Variants in CSNK2A1 observed in about 807,000 individuals in gnomAD.
CSNK2A1 encodes casein kinase II subunit alpha.
In CSNK2A1, 10 loss-of-function variants were observed where a neutral mutation model predicts 62.9. The ratio of observed to expected loss-of-function variants is 0.16; its 90% CI spans 0.10 to 0.27. CSNK2A1 has a LOEUF of 0.27. Ranked by LOEUF, CSNK2A1 falls within the 10% of genes least tolerant of loss-of-function variation. The pLI is 1.00. For synonymous variants in CSNK2A1, 124 were observed against 167.8 expected, an observed-to-expected ratio of 0.74 and a Z score of 2.02; for missense variants, 160 against 492.0, an observed-to-expected ratio of 0.33 and a Z score of 6.38.
chr20:498,481 C>T (rs2122540354), intron 6 of CSNK2A1: 1 of 152,216 alleles, frequency 6.6e-6, no homozygotes, highest in African/African-American at 2.4e-5. Flanking sequence ...GCTAGGACTA[C>T]AGGCGAAAGC....
chr20:535,771 C>A (rs987885698), intron 1 of CSNK2A1, among the ~76,000 whole-genome samples: 3 of 151,440 alleles, frequency 2.0e-5, no homozygotes, highest in Non-Finnish European at 4.4e-5. Flanking sequence ...TTTAAAGTGC[C>A]GATAAATACA....
intron 6 of CSNK2A1, 53 bp from the exon 7 acceptor site, chr20:497,833 T>C (rs576974823): frequency 4.0e-5 from 62 of 1,531,548 alleles, no homozygotes; most frequent in Admixed American, 1.4e-4. Flanking sequence ...AAAGGCATTT[T>C]TCACCCTCAC....
At chr20:523,624 G>C (rs762986222) in intron 2 of CSNK2A1, among the ~76,000 whole-genome samples, 3 of 152,264 alleles carry the variant, frequency 2.0e-5, no homozygotes, top group African/African-American at 4.8e-5. Flanking sequence ...GGGCACGGTG[G>C]CTCACGCCTG....
At chr20:523,820 A>C (rs1317507984) in intron 2 of CSNK2A1, among the ~76,000 whole-genome samples, 5 of 143,522 alleles carry the variant, frequency 3.5e-5, no homozygotes, top group African/African-American at 1.3e-4. Flanking sequence ...GATCACGCCA[A>C]TGCACTCCAG....
intron 2 of CSNK2A1, among the ~76,000 whole-genome samples, chr20:509,571 A>G (rs545375526): frequency 1.3e-5 from 2 of 152,280 alleles, no homozygotes; most frequent in East Asian, 3.9e-4. Flanking sequence ...CATAACTTCA[A>G]TTTGTATGTG....
At chr20:522,701 T>C (rs1293318045) in intron 2 of CSNK2A1, among the ~76,000 whole-genome samples, 1 of 152,116 alleles carries the variant, frequency 6.6e-6, no homozygotes, top group Non-Finnish European at 1.5e-5. Context: ...ATTTTATTTA[T>C]TTATTTATTT....
chr20:540,227 G>A (rs779769222), intron 1 of CSNK2A1, among the ~76,000 whole-genome samples: 1 of 152,120 alleles, frequency 6.6e-6, no homozygotes, highest in Non-Finnish European at 1.5e-5. Flanking sequence ...GTTTATGTTG[G>A]CATAAAATTC....
intron 2 of CSNK2A1, among the ~76,000 whole-genome samples, chr20:513,034 G>C (rs1167657985): frequency 6.6e-6 from 1 of 152,204 alleles, no homozygotes; most frequent in Non-Finnish European, 1.5e-5. Context: ...GTAGAGAAAG[G>C]TGTAGGTGTG....
intron 2 of CSNK2A1, chr20:526,658 G>GA (rs543870896): frequency 6.0e-4 from 82 of 137,038 alleles, no homozygotes; most frequent in Middle Eastern, 3.7e-3. Context: ...CTTGATTTAA[G>GA]AAAAAAAAAA....
At position 487,606 on chromosome 20, in the gene CSNK2A1, G is replaced by A. The variant is rs367612458; in HGVS notation, c.825-31C>T. The stretch of plus-strand genomic sequence containing the variant: ...GGACCAAAAGAGGGCATGAGAAATG[G>A]GCCACGTGGGCACAGAAGCCCAACA... On this transcript the variant is annotated intron_variant, in intron 11 of 13. Coordinates refer to ENST00000217244, the MANE Select transcript of CSNK2A1 (RefSeq NM_177559.3). The A allele has an allele frequency of 1.5e-4, 234 of 1,613,378 alleles. 1 individual carries two copies. The highest frequency in any genetic ancestry group is 1.2e-4 in the Non-Finnish European group (136 of 1,179,534).
At position 484,041 on chromosome 20, in the gene CSNK2A1, G is replaced by C. The variant is rs755363910; in HGVS notation, c.1096C>G (p.Pro366Ala). The stretch of plus-strand genomic sequence containing the variant: ...GCAATCACTGGTGAGCCTGCCAGAG[G>C]TCCAAGGGGTGAAGGGGTTGGCACT... The part of the protein sequence containing the change: ...SSVPTPSPLG[P>A]LAGSPVIAAA... The change falls in exon 14 of 14, where the codon CCT (proline) becomes GCT (alanine). Residue 366 changes from proline (P) to alanine (A), a missense_variant. Pro to Ala is a conservative substitution (Grantham distance 27). Transcript: ENST00000217244. 1 of 1,611,576 alleles carries C rather than the reference G, an allele frequency of 6.2e-7. No individual in the cohort carries two copies. The highest frequency in any genetic ancestry group is 2.2e-5 in the East Asian group (1 of 44,482).
At chr20:511,483 A>G (rs1179790120) in intron 2 of CSNK2A1, among the ~76,000 whole-genome samples, 2 of 152,194 alleles carry the variant, frequency 1.3e-5, no homozygotes, top group Non-Finnish European at 2.9e-5. Context: ...TGTATCCACT[A>G]AACACTAATT....
Position 488,700 on chromosome 20 carries a change from G to A in CSNK2A1, c.802C>T (p.Arg268Cys). ...TACCTGCCCAAGATATCATTGAAAC[G>A]TGGATCTAATTCAATGTTGTATTTG... is the stretch of plus-strand genomic sequence containing the variant. ...IDKYNIELDP[R>C]FNDILGRHSR... Residue 268 changes from arginine to cysteine, a missense_variant, in exon 11 of 14, where the codon CGT becomes TGT. Coordinates refer to ENST00000217244, the MANE Select transcript of CSNK2A1 (RefSeq NM_177559.3). 1 of 1,613,830 alleles carries A rather than the reference G, an allele frequency of 6.2e-7. No homozygotes were observed. Among genetic ancestry groups the A allele is most frequent in the Non-Finnish European group, 8.5e-7 (1 of 1,179,864 alleles).
Position 478,831 on chromosome 20 carries a change from T to C in CSNK2A1, c.*5130A>G, listed in dbSNP as rs1042206693. On this transcript the variant is annotated 3_prime_UTR_variant, in exon 14 of 14. Transcript: ENST00000217244. ...TGCCTGTAGTCCCTGGAAGGCTGAG[T>C]TGGGAGGATCACCTGAGCCTGGGAG... 6.6e-5 allele frequency: 18 copies of C among 272,902 alleles called. No individual in the cohort carries two copies. Among genetic ancestry groups the C allele is most frequent in the Non-Finnish European group, 1.2e-4 (16 of 138,168 alleles). The allele number at this position is 272,902 out of a possible 1,614,324, so 16.9% of individuals were successfully genotyped here.
chr20:519,697 A>T (rs1417929166), intron 2 of CSNK2A1, among the ~76,000 whole-genome samples: 1 of 152,264 alleles, frequency 6.6e-6, no homozygotes, highest in Non-Finnish European at 1.5e-5. Flanking sequence ...AATAGCCGCC[A>T]AATTAAAATT....
rs1215960467 is a variant in CSNK2A1, at chr20:530,503, C to CT, written c.-226-2455dup. Among the ~76,000 whole-genome samples, 6 of 142,192 alleles carry CT rather than the reference C, an allele frequency of 4.2e-5. No homozygotes were observed. In the East Asian group the frequency reaches 1.0e-3, roughly 24 times the overall value. The allele number at this position is 142,192 out of a possible 152,430, so 93.3% of individuals were successfully genotyped here. On this transcript the variant is annotated intron_variant, in intron 1 of 13. Transcript: ENST00000217244. ...TTTTTTTTAGAGTCAGGACCTTGCT[C>CT]TGTCACCCAGGCTGGAGTGCAATGG... is the stretch of plus-strand genomic sequence containing the variant.
In CSNK2A1 at chr20:488,672, A is replaced by C; in HGVS notation, c.824+6T>G. On this transcript the variant is annotated splice_donor_region_variant and intron_variant, in intron 11 of 13. Transcript: ENST00000217244. ...ACAGATGCACATATTTTGTTTCATG[A>C]CTTACCTGCCCAAGATATCATTGAA... 6.2e-7 allele frequency: 1 copy of C among 1,613,010 alleles called. No homozygotes were observed. Among genetic ancestry groups the C allele is most frequent in the Non-Finnish European group, 8.5e-7 (1 of 1,179,506 alleles).
At chr20:541,954 G>A (rs530653534) in intron 1 of CSNK2A1, among the ~76,000 whole-genome samples, 157 of 152,268 alleles carry the variant, frequency 1.0e-3, no homozygotes, top group Non-Finnish European at 1.9e-3. Context: ...GAATACCACG[G>A]AGGAGAACTA....
At chr20:497,813 A>C (rs761178498) in intron 6 of CSNK2A1, 33 bp from the exon 7 acceptor site, 2 of 1,596,488 alleles carry the variant, frequency 1.3e-6, no homozygotes, top group South Asian at 1.1e-5. Flanking sequence ...CCATGAAATA[A>C]TGCTGACAGA....
Sources: allele counts gnomAD v4.1 joint callset (sites outside exome capture counted in the v4.1 genomes callset), GRCh38; gene constraint gnomAD v4.1.1; transcripts MANE v1.5; gene names NCBI Gene and HGNC (gene_info 2026-07-23, HGNC 2026-07-21).